Variants in GLI2 observed in about 807,000 individuals in gnomAD.
GLI2 encodes GLI family zinc finger 2.
A neutral mutation model predicts 78.9 loss-of-function variants in GLI2; 22 were observed. The ratio of observed to expected loss-of-function variants is 0.28; its 90% CI spans 0.20 to 0.40. The LOEUF (loss-of-function observed/expected upper bound fraction) is 0.40, where lower values mean the gene tolerates loss of function less well. GLI2 is among the 10% of genes least tolerant of loss of function. The pLI is 1.00. For synonymous variants in GLI2, 974 were observed against 963.7 expected (o/e 1.01, Z -0.20); for missense variants, 2,097 against 2,213.2 (o/e 0.95, Z 1.05).
chr2:120,804,443 C>A (rs1162762421), intron 2 of GLI2, among the ~76,000 whole-genome samples: 1 of 152,204 alleles, frequency 6.6e-6, no homozygotes, highest in South Asian at 2.1e-4. Flanking sequence ...GGTCAGCTGT[C>A]TCTGGGTATA....
chr2:120,803,487 G>A (rs1473206445), intron 2 of GLI2, among the ~76,000 whole-genome samples: 1 of 152,178 alleles, frequency 6.6e-6, no homozygotes, highest in African/African-American at 2.4e-5. Flanking sequence ...CCCTTTCACT[G>A]GTAACCCTTG....
chr2:120,955,152 CCTTT>C (rs1208602417), intron 4 of GLI2, 89 bp from the exon 5 acceptor site: 10,519 of 301,344 alleles, frequency 0.035, 1,137 homozygotes, highest in East Asian at 0.069. Flanking sequence ...TTTCTCTCTG[CCTTT>C]TTTTTTTTTT....
chr2:120,986,736 A>G (rs1682999497), intron 13 of GLI2, 122 bp downstream of exon 13: 2 of 752,562 alleles, frequency 2.7e-6, no homozygotes, highest in African/African-American at 1.8e-5. Flanking sequence ...TTACCAGCCC[A>G]GTACAGAAAA....
chr2:120,927,426 A>G lies in GLI2; in HGVS notation c.214A>G (p.Arg72Gly). 6.2e-7 allele frequency: 1 copy of G among 1,613,464 alleles called. No individual in the cohort carries two copies. The highest frequency in any genetic ancestry group is 8.5e-7 in the Non-Finnish European group (1 of 1,179,404). Residue 72 changes from arginine to glycine, a missense_variant, in exon 3 of 14, where the codon AGG becomes GGG. Coordinates refer to ENST00000361492, the MANE Select transcript of GLI2 (RefSeq NM_001374353.1). The part of the protein sequence containing the change: ...LPIDMRHQEG[R>G]YHYEPHSVHG... ...GATTGACATGCGACACCAGGAAGGA[A>G]GGTACCATTACGAGCCTCATTCTGT...
intron 2 of GLI2, among the ~76,000 whole-genome samples, chr2:120,814,137 G>A (rs577381387): frequency 2.0e-5 from 3 of 152,186 alleles, no homozygotes; most frequent in South Asian, 2.1e-4. Context: ...GGTTCCTTTT[G>A]CACTCCAGAC....
chr2:120,848,295 G>C (rs1290938335), intron 2 of GLI2, among the ~76,000 whole-genome samples: 1 of 152,188 alleles, frequency 6.6e-6, no homozygotes, highest in Non-Finnish European at 1.5e-5. Flanking sequence ...CAGCTAGAAC[G>C]TGGGGCTCCT....
At chr2:120,847,710 G>A (rs984133791) in intron 2 of GLI2, among the ~76,000 whole-genome samples, 46 of 151,000 alleles carry the variant, frequency 3.0e-4, no homozygotes, top group Non-Finnish European at 5.6e-4. Flanking sequence ...GAGTGAGCTG[G>A]GAGATCCTGG....
At chr2:120,937,962 C>G (rs929431818) in intron 3 of GLI2, among the ~76,000 whole-genome samples, 1 of 152,190 alleles carries the variant, frequency 6.6e-6, no homozygotes, top group African/African-American at 2.4e-5. Flanking sequence ...CTCCCACTAA[C>G]GAAGGCCGCT....
intron 1 of GLI2, among the ~76,000 whole-genome samples, chr2:120,790,232 G>T (rs1182782105): frequency 6.6e-6 from 1 of 152,212 alleles, no homozygotes; most frequent in Non-Finnish European, 1.5e-5. Flanking sequence ...AAACAGGGGG[G>T]TCTGTTGGGA....
At chr2:120,832,456 C>G (rs973722919) in intron 2 of GLI2, among the ~76,000 whole-genome samples, 1 of 152,038 alleles carries the variant, frequency 6.6e-6, no homozygotes, top group Non-Finnish European at 1.5e-5. Flanking sequence ...CTTCCTGATG[C>G]GGCCTGAGCC....
intron 2 of GLI2, among the ~76,000 whole-genome samples, chr2:120,829,457 AC>A (rs1321107762): frequency 6.6e-6 from 1 of 152,134 alleles, no homozygotes; most frequent in Non-Finnish European, 1.5e-5. Flanking sequence ...CAGCCCAGCC[AC>A]TTAACAGCTG....
Position 120,807,151 on chromosome 2 carries a change from A to AC in GLI2, c.148+9683_148+9684insC, listed in dbSNP as rs1684995726. Among the ~76,000 whole-genome samples, 5 of 152,118 alleles carry AC rather than the reference A, an allele frequency of 3.3e-5. No homozygotes were observed. In the South Asian group the frequency reaches 1.0e-3, roughly 32 times the overall value. ...TTGCAAAGTGTGGCAGGGCTTGGGC[A>AC]AGCCCCCTGGGGACGATGCAGGGAG... is the stretch of plus-strand genomic sequence containing the variant. On this transcript the variant is annotated intron_variant, in intron 2 of 13. Transcript: ENST00000361492.
chr2:120,774,730 G>A (rs749473534), intron 1 of GLI2, among the ~76,000 whole-genome samples: 118 of 152,196 alleles, frequency 7.8e-4, no homozygotes, highest in Admixed American at 2.6e-3. Context: ...CTTTTGACAA[G>A]GCCTGTGTGC....
chr2:120,900,102 G>C (rs1573564250), intron 2 of GLI2, among the ~76,000 whole-genome samples: 2 of 152,348 alleles, frequency 1.3e-5, no homozygotes, highest in East Asian at 3.9e-4. Context: ...AGGCAGGCAA[G>C]GCAGAAGAGG....
Position 120,751,194 on chromosome 2 carries a change from T to G in GLI2, c.-31+14909T>G, listed in dbSNP as rs528142529. Among the ~76,000 whole-genome samples the G allele has an allele frequency of 1.2e-3, 178 of 152,352 alleles. 1 individual carries two copies. The highest frequency in any genetic ancestry group is 2.1e-3 in the Non-Finnish European group (140 of 68,028). ...GATCCCTTGCCCAAAATTGGCCTTT[T>G]CCCATCTTTACCCCAACTTAGGGAT... is the stretch of plus-strand genomic sequence containing the variant. On this transcript the variant is annotated intron_variant, in intron 1 of 13. Coordinates refer to ENST00000361492, the MANE Select transcript of GLI2 (RefSeq NM_001374353.1).
At chr2:120,821,915 T>G (rs1685795016) in intron 2 of GLI2, among the ~76,000 whole-genome samples, 1 of 152,152 alleles carries the variant, frequency 6.6e-6, no homozygotes, top group Non-Finnish European at 1.5e-5. Context: ...AGGCCCCCAC[T>G]ATGTGTTCCT....
At chr2:120,894,836 C>G (rs1377387369) in intron 2 of GLI2, among the ~76,000 whole-genome samples, 1 of 152,154 alleles carries the variant, frequency 6.6e-6, no homozygotes, top group Non-Finnish European at 1.5e-5. Context: ...GTAGCTGGGA[C>G]TACAGGCGCC....
chr2:120,990,204 G>C lies in GLI2; in HGVS notation c.4239G>C (p.Gln1413His). ...AMGNMGSVPPQPPPQDAGGAP... is the reference protein window; with the variant it reads ...AMGNMGSVPPHPPPQDAGGAP... ...GCAACATGGGGTCGGTGCCTCCCCAGCCGCCTCCGCAGGACGCAGGTGGGG... is the reference window on the plus strand; with the variant it reads ...GCAACATGGGGTCGGTGCCTCCCCACCCGCCTCCGCAGGACGCAGGTGGGG... The change falls in exon 14 of 14, where the codon CAG becomes CAC. Residue 1413 changes from glutamine (Q) to histidine (H), a missense_variant. Around this residue, in one of 5 missense-constraint regions of GLI2, gnomAD observed 1,290 missense variants for 1,261.7 expected, o/e 1.02. Coordinates refer to ENST00000361492, the MANE Select transcript of GLI2 (RefSeq NM_001374353.1). The C allele has an allele frequency of 2.5e-6, 4 of 1,613,454 alleles. No homozygotes were observed. Among genetic ancestry groups the C allele is most frequent in the Non-Finnish European group, 3.4e-6 (4 of 1,179,986 alleles).
At chr2:120,836,763 A>C (rs1203873533) in intron 2 of GLI2, among the ~76,000 whole-genome samples, 1 of 152,194 alleles carries the variant, frequency 6.6e-6, no homozygotes, top group East Asian at 1.9e-4. Flanking sequence ...TCTGTATCAC[A>C]CTGCTCATTT....
Sources: gnomAD v4.1 joint callset for allele counts (sites outside exome capture counted in the v4.1 genomes callset) on GRCh38, gnomAD v4.1.1 for gene constraint, gnomAD v4.1.1 regional missense constraint, MANE v1.5 for transcripts, NCBI Gene and HGNC (gene_info 2026-07-23, HGNC 2026-07-21) for gene names.